The following GK5 variants were observed in gnomAD, a reference collection of about 807,000 sequenced individuals.
The protein encoded by GK5 is glycerol kinase 5, also known as ATP:glycerol 3-phosphotransferase 5.
Under a neutral mutation model 77.3 loss-of-function variants are expected in GK5, and 39 were observed. The observed-to-expected ratio is 0.50, with a 90% confidence interval of 0.39 to 0.66. GK5 has a LOEUF of 0.66. GK5 is among the 30% of genes least tolerant of loss of function. GK5 has a pLI of 0.00. For synonymous variants in GK5, 211 were observed against 208.0 expected (o/e 1.01, Z -0.13); for missense variants, 487 against 633.8 (o/e 0.77, Z 2.49).
At chr3:142,212,704 TTA>T (rs1163264032) in intron 3 of GK5, among the ~76,000 whole-genome samples, 1 of 152,174 alleles carries the variant, frequency 6.6e-6, no homozygotes, top group Non-Finnish European at 1.5e-5. Context: ...GATGCCTAAA[TTA>T]TAGGTTTGTT....
chr3:142,212,408 C>T (rs2064198979), intron 3 of GK5, among the ~76,000 whole-genome samples: 1 of 152,048 alleles, frequency 6.6e-6, no homozygotes, highest in African/African-American at 2.4e-5. Context: ...TATTGGAGTG[C>T]ACCTGTAGTC....
chr3:142,215,000 G>C (rs1472888947), intron 2 of GK5, among the ~76,000 whole-genome samples: 1 of 152,130 alleles, frequency 6.6e-6, no homozygotes, highest in Non-Finnish European at 1.5e-5. Context: ...AAAAAGATGA[G>C]AAGAAGCAGT....
intron 1 of GK5, among the ~76,000 whole-genome samples, chr3:142,223,402 T>C (rs1167986481): frequency 6.6e-6 from 1 of 152,342 alleles, no homozygotes; most frequent in Non-Finnish European, 1.5e-5. Context: ...ACCCAGTCAC[T>C]GAAGGGTGGT....
At chr3:142,201,343 C>T (rs2064018654) in intron 4 of GK5, among the ~76,000 whole-genome samples, 1 of 152,070 alleles carries the variant, frequency 6.6e-6, no homozygotes, top group African/African-American at 2.4e-5. Flanking sequence ...AATGAATCTC[C>T]AGGGAATTAT....
intron 3 of GK5, among the ~76,000 whole-genome samples, chr3:142,205,629 A>T (rs895373390): frequency 1.6e-4 from 25 of 152,086 alleles, no homozygotes; most frequent in African/African-American, 6.0e-4. Context: ...TCCCTCAAAC[A>T]TTCCCTTTTC....
At chr3:142,194,984 C>T (rs2063912350) in intron 5 of GK5, among the ~76,000 whole-genome samples, 1 of 151,714 alleles carries the variant, frequency 6.6e-6, no homozygotes, top group Non-Finnish European at 1.5e-5. Context: ...CAGTTTTCAA[C>T]TATTAAGTAT....
intron 4 of GK5, chr3:142,204,344 G>C (rs769403686): frequency 5.4e-5 from 18 of 331,082 alleles, no homozygotes; most frequent in Non-Finnish European, 9.9e-5. Context: ...CAGTCTGCTA[G>C]TTATCTATAA....
intron 1 of GK5, among the ~76,000 whole-genome samples, chr3:142,223,057 A>G (rs1419496049): frequency 6.6e-6 from 1 of 152,132 alleles, no homozygotes; most frequent in African/African-American, 2.4e-5. Context: ...TTATTTACTC[A>G]TATCTTTCTT....
rs375759597 is a variant in GK5, at chr3:142,197,136, G to A, written c.543+1666C>T. 7.2e-4 allele frequency among the ~76,000 whole-genome samples: 110 copies of A among 152,048 alleles called. 4 individuals are homozygous for A. The South Asian group carries it at 0.018, about 25-fold the overall frequency. ...TGGGAGCTGGAGCTCGCAGTGAGCCGAGAGCACGCCACTGCACTCCAGCCT... is the reference window on the plus strand; with the variant it reads ...TGGGAGCTGGAGCTCGCAGTGAGCCAAGAGCACGCCACTGCACTCCAGCCT... On this transcript the variant is annotated intron_variant, in intron 5 of 15. Transcript: ENST00000392993.
rs2063453509 is a variant in GK5, at chr3:142,164,558, C to G, written c.*1064G>C. On this transcript the variant is annotated 3_prime_UTR_variant, in exon 16 of 16. Transcript: ENST00000392993. Reference sequence around the variant, plus strand: ...GATCTCTGGCTGAGTGGCTAAAGGGCAATCCTGAGCATAGACACACTCTCC... The same window carrying G: ...GATCTCTGGCTGAGTGGCTAAAGGGGAATCCTGAGCATAGACACACTCTCC... 1.3e-5 allele frequency: 2 copies of G among 152,238 alleles called. No homozygotes were observed. Among genetic ancestry groups the G allele is most frequent in the Admixed American group, 6.6e-5 (1 of 15,264 alleles). The allele number at this position is 152,238 out of a possible 1,614,324, so 9.4% of individuals were successfully genotyped here. A position where few individuals can be genotyped will look rare whatever the true frequency, so the allele number is the denominator to read the frequency against.
chr3:142,219,145 C>T (rs1232615705), intron 1 of GK5, among the ~76,000 whole-genome samples: 1 of 152,186 alleles, frequency 6.6e-6, no homozygotes, highest in East Asian at 1.9e-4. Context: ...CTCTGAATTT[C>T]TTGCTAAGAT....
intron 13 of GK5, among the ~76,000 whole-genome samples, chr3:142,171,844 A>G (rs2063543711): frequency 6.6e-6 from 1 of 152,224 alleles, no homozygotes. Context: ...CAAATATAAA[A>G]ACAATTACTT....
At chr3:142,203,550 G>A (rs892531036) in intron 4 of GK5, among the ~76,000 whole-genome samples, 6 of 152,148 alleles carry the variant, frequency 3.9e-5, no homozygotes, top group Non-Finnish European at 7.4e-5. Flanking sequence ...CAAGGCAGGC[G>A]GATCATCAGG....
rs2063402064 is a variant in GK5 at position 142,158,822 on chromosome 3, T to C, written c.*6800A>G. On this transcript the variant is annotated 3_prime_UTR_variant, in exon 16 of 16. Coordinates refer to ENST00000392993, the MANE Select transcript of GK5 (RefSeq NM_001039547.3). ...GATAACTATGTACAAAGTATATATCTGTATACTCTAACATTCTAAATAAAG... is the reference window on the plus strand; with the variant it reads ...GATAACTATGTACAAAGTATATATCCGTATACTCTAACATTCTAAATAAAG... 6.6e-6 allele frequency: 1 copy of C among 152,310 alleles called. No individual in the cohort carries two copies. The highest frequency in any genetic ancestry group is 2.1e-4 in the South Asian group (1 of 4,838). 9.4% of individuals were successfully genotyped at this position (152,310 alleles called of 1,614,324 possible).
At chr3:142,171,749 C>G (rs11712363) in intron 13 of GK5, among the ~76,000 whole-genome samples, 55 of 152,024 alleles carry the variant, frequency 3.6e-4, no homozygotes, top group Non-Finnish European at 7.7e-4. Flanking sequence ...TATTACCATT[C>G]TACAAAGAAA....
intron 10 of GK5, 47 bp downstream of exon 10, chr3:142,182,870 TATGAAC>T (rs1201751052): frequency 2.4e-5 from 31 of 1,299,466 alleles, no homozygotes; most frequent in Non-Finnish European, 3.4e-5. Context: ...AGAAGTTAAA[TATGAAC>T]AGAAGTGATA....
At chr3:142,180,307 C>G (rs199899127) in intron 11 of GK5, among the ~76,000 whole-genome samples, 2 of 143,816 alleles carry the variant, frequency 1.4e-5, no homozygotes, top group Non-Finnish European at 3.0e-5. Context: ...TTTCTTTTTT[C>G]TTTTTTTTTT....
chr3:142,183,690 G>A (rs571821180), intron 9 of GK5, among the ~76,000 whole-genome samples: 21 of 152,064 alleles, frequency 1.4e-4, no homozygotes, highest in African/African-American at 4.8e-4. Context: ...AGGTGGTCTC[G>A]ATCTCTTGAT....
intron 3 of GK5, among the ~76,000 whole-genome samples, chr3:142,210,543 A>G (rs1021001499): frequency 2.6e-5 from 4 of 152,204 alleles, no homozygotes; most frequent in Admixed American, 6.5e-5. Flanking sequence ...AAAGGCTTTC[A>G]GTCTTTCTTC....
Sources: gnomAD v4.1 joint callset for allele counts (sites outside exome capture counted in the v4.1 genomes callset) on GRCh38, gnomAD v4.1.1 for gene constraint, MANE v1.5 for transcripts, NCBI Gene and HGNC (gene_info 2026-07-23, HGNC 2026-07-21) for gene names.